Variants in RIMS3 observed in about 807,000 individuals in gnomAD.
RIMS3 encodes the protein regulating synaptic membrane exocytosis protein 3.
RIMS3 carries 15 observed loss-of-function variants against 29.2 expected under a neutral mutation model. The ratio of observed to expected loss-of-function variants is 0.51; its 90% confidence interval spans 0.34 to 0.79. The LOEUF (loss-of-function observed/expected upper bound fraction) is 0.79, where lower values mean the gene tolerates loss of function less well. RIMS3 is among the 30% of genes least tolerant of loss of function. The pLI, the probability that RIMS3 is intolerant of heterozygous loss-of-function variation, is 0.01. For missense variants in RIMS3, 342 were observed against 421.4 expected (o/e 0.81, Z 1.65); for synonymous variants, 161 against 170.1 (o/e 0.95, Z 0.41).
chr1:40,638,977 G>T (rs1646538983), intron 3 of RIMS3, among the ~76,000 whole-genome samples: 1 of 152,220 alleles, frequency 6.6e-6, no homozygotes, highest in Non-Finnish European at 1.5e-5. Flanking sequence ...AAGAAGGCAG[G>T]CAGGAGGCAG....
chr1:40,623,340 C>T lies in RIMS3; in HGVS notation c.*3177G>A. The T allele has an allele frequency of 2.5e-6, 1 of 398,466 alleles. No individual in the cohort carries two copies. The highest frequency in any genetic ancestry group is 4.4e-6 in the Non-Finnish European group (1 of 226,036). 24.7% of individuals were successfully genotyped at this position (398,466 alleles called of 1,614,324 possible). On this transcript the variant is annotated 3_prime_UTR_variant, in exon 8 of 8. Coordinates refer to ENST00000372684, the MANE Select transcript of RIMS3 (RefSeq NM_014747.3). ...TCCATTTACTGGAGCCTTTTTCATA[C>T]CAAAAACCCATTGCAGGGAAAAGGA...
In RIMS3 at chr1:40,620,906, T is replaced by G. The variant is rs1646416987; in HGVS notation, c.*5611A>C. 6.5e-6 allele frequency: 1 copy of G among 152,676 alleles called. No homozygotes were observed. Among genetic ancestry groups the G allele is most frequent in the Non-Finnish European group, 1.5e-5 (1 of 68,060 alleles). 9.5% of individuals were successfully genotyped at this position (152,676 alleles called of 1,614,324 possible). ...TATAAAAGGCTAATTGCTTCTTATC[T>G]AAACAGTGTGCTTGTCAGTCCCTAT... is the stretch of plus-strand genomic sequence containing the variant. On this transcript the variant is annotated 3_prime_UTR_variant, in exon 8 of 8. Transcript: ENST00000372684.
At chr1:40,634,209 C>T (rs1646506430) in intron 4 of RIMS3, among the ~76,000 whole-genome samples, 1 of 152,122 alleles carries the variant, frequency 6.6e-6, no homozygotes, top group Non-Finnish European at 1.5e-5. Flanking sequence ...GAATCTCCTA[C>T]TAGATAGTTT....
rs928390660 is a variant in RIMS3, at chr1:40,636,782, G to A, written c.218-725C>T. 2.6e-5 allele frequency among the ~76,000 whole-genome samples: 4 copies of A among 152,202 alleles called. No homozygotes were observed. Among genetic ancestry groups the A allele is most frequent in the African/African-American group, 9.6e-5 (4 of 41,460 alleles). On this transcript the variant is annotated intron_variant, in intron 3 of 7. Coordinates refer to ENST00000372684, the MANE Select transcript of RIMS3 (RefSeq NM_014747.3). This position sits in a 1 kb window ranked among gnomAD's most constrained non-coding sequence, Gnocchi z 4.2. ...ACTTACCCGTGTCTCCGTGCCTCCT[G>A]TTCAGAGGCCCTCGACCCCCATATC...
chr1:40,666,486 G>A (rs1395054964), upstream of RIMS3, among the ~76,000 whole-genome samples: 1 of 152,166 alleles, frequency 6.6e-6, no homozygotes, highest in Non-Finnish European at 1.5e-5. Flanking sequence ...CCTGGCATCT[G>A]CCTATATAAA....
Position 40,622,272 on chromosome 1 carries a change from T to C in RIMS3, c.*4245A>G, listed in dbSNP as rs1646425690. Reference sequence around the variant, plus strand: ...CTCAGGCACGCTTTTAAAAGAATCCTTTCCCAGCCAGACCAGGCCAGTCCA... The same window carrying C: ...CTCAGGCACGCTTTTAAAAGAATCCCTTCCCAGCCAGACCAGGCCAGTCCA... On this transcript the variant is annotated 3_prime_UTR_variant, in exon 8 of 8. Coordinates refer to ENST00000372684, the MANE Select transcript of RIMS3 (RefSeq NM_014747.3). 1.3e-5 allele frequency: 2 copies of C among 152,720 alleles called. No individual in the cohort carries two copies. The highest frequency in any genetic ancestry group is 4.8e-5 in the African/African-American group (2 of 41,456). The allele number at this position is 152,720 out of a possible 1,614,324, so 9.5% of individuals were successfully genotyped here.
intron 2 of RIMS3, among the ~76,000 whole-genome samples, chr1:40,647,049 T>G (rs141148943): frequency 0.012 from 1,868 of 151,990 alleles, 55 homozygotes; most frequent in African/African-American, 0.043. Flanking sequence ...CCCAGCTAAT[T>G]TTTGTATTTT....
At chr1:40,659,853 C>T (rs1642326385) in intron 1 of RIMS3, among the ~76,000 whole-genome samples, 1 of 152,154 alleles carries the variant, frequency 6.6e-6, no homozygotes, top group African/African-American at 2.4e-5. Context: ...GAAGAAGACA[C>T]AAAAAGGTAG....
intron 7 of RIMS3, among the ~76,000 whole-genome samples, chr1:40,627,931 G>T (rs1480987672): frequency 6.6e-6 from 1 of 152,084 alleles, no homozygotes; most frequent in Non-Finnish European, 1.5e-5. Context: ...CAACTCCAAG[G>T]CCCCTTGCCA....
the RIMS3 span, among the ~76,000 whole-genome samples, chr1:40,675,188 G>C: frequency 2.0e-5 from 3 of 152,066 alleles, no homozygotes; most frequent in Non-Finnish European, 2.9e-5. Context: ...AGGATCATTT[G>C]AGCCTGGGAG....
intron 6 of RIMS3, 133 bp from the exon 7 acceptor site, chr1:40,629,082 G>T: frequency 8.2e-7 from 1 of 1,226,218 alleles, no homozygotes; most frequent in Non-Finnish European, 1.2e-6. Flanking sequence ...ACAGCAGGCA[G>T]AAGAGGTGAC....
the RIMS3 span, among the ~76,000 whole-genome samples, chr1:40,681,313 G>A: frequency 6.6e-6 from 1 of 152,178 alleles, no homozygotes; most frequent in Non-Finnish European, 1.5e-5. Flanking sequence ...AGTGAGTGTG[G>A]AAGGAAGAAG....
the RIMS3 span, among the ~76,000 whole-genome samples, chr1:40,682,397 C>A: frequency 1.3e-5 from 2 of 152,092 alleles, no homozygotes; most frequent in African/African-American, 4.8e-5. Flanking sequence ...GTGTTCTTTC[C>A]TTGTGGCTTC....
At chr1:40,689,774 T>C in the RIMS3 span, among the ~76,000 whole-genome samples, 1 of 152,214 alleles carries the variant, frequency 6.6e-6, no homozygotes, top group African/African-American at 2.4e-5. Flanking sequence ...ATCAATTGAC[T>C]GTTATCAGTT....
the RIMS3 span, among the ~76,000 whole-genome samples, chr1:40,685,214 CAG>C: frequency 1.3e-5 from 2 of 148,890 alleles, no homozygotes; most frequent in East Asian, 2.0e-4. Flanking sequence ...CATGTTAGTT[CAG>C]AGTCTCAGGA....
chr1:40,634,571 C>T (rs184157379), intron 4 of RIMS3, among the ~76,000 whole-genome samples: 323 of 152,282 alleles, frequency 2.1e-3, no homozygotes, highest in Non-Finnish European at 3.6e-3. Flanking sequence ...AGGTGGCCCA[C>T]CCTCTTCCTC....
At chr1:40,688,087 C>G in the RIMS3 span, among the ~76,000 whole-genome samples, 1 of 152,298 alleles carries the variant, frequency 6.6e-6, no homozygotes, top group Non-Finnish European at 1.5e-5. Flanking sequence ...GCCTCAGCCT[C>G]CTGAGTAGCT....
At chr1:40,674,440 C>T in the RIMS3 span, among the ~76,000 whole-genome samples, 4 of 152,298 alleles carry the variant, frequency 2.6e-5, no homozygotes, top group East Asian at 1.9e-4. Flanking sequence ...GGGCCAGCAC[C>T]GGAGTCAAGG....
intron 1 of RIMS3, among the ~76,000 whole-genome samples, chr1:40,661,349 C>T (rs556620895): frequency 1.6e-4 from 24 of 152,274 alleles, no homozygotes; most frequent in South Asian, 8.3e-4. Flanking sequence ...TCCACCTCAT[C>T]CTTGGGAACC....
Sources: gnomAD v4.1 joint callset for allele counts (sites outside exome capture counted in the v4.1 genomes callset) on GRCh38, gnomAD v4.1.1 for gene constraint, Gnocchi (gnomAD v3.1) non-coding constraint, MANE v1.5 for transcripts, NCBI Gene and HGNC (gene_info 2026-07-23, HGNC 2026-07-21) for gene names.